The following IQCJ variants were observed in gnomAD, a reference collection of about 807,000 sequenced individuals.
The protein encoded by IQCJ is IQ motif containing J.
A neutral mutation model predicts 11.0 loss-of-function variants in IQCJ; 9 were observed. The observed-to-expected ratio is 0.82, with a 90% CI of 0.49 to 1.43. IQCJ has a LOEUF of 1.43. Ranked by LOEUF, IQCJ falls within the 40% of genes most tolerant of loss-of-function variation. The probability of loss-of-function intolerance (pLI) is 0.00; values close to 1 mark genes in which losing one functional copy is unlikely to be tolerated. For missense variants in IQCJ, 146 were observed against 133.2 expected, an observed-to-expected ratio of 1.10 and a Z score of -0.47; for synonymous variants, 55 against 51.3, an observed-to-expected ratio of 1.07 and a Z score of -0.31.
rs559243062 is a variant in IQCJ at position 159,091,364 on chromosome 3, T to C, written c.9+21923T>C. ...GCTCTTGTGAGGACCCTCTTCTAGG[T>C]TGCCTATTGCTGACTTCTCAACTTC... On this transcript the variant is annotated intron_variant, in intron 1 of 3. Transcript: ENST00000397832. Among the ~76,000 whole-genome samples, 7 of 151,876 alleles carry C rather than the reference T, an allele frequency of 4.6e-5. No individual in the cohort carries two copies. The South Asian group carries it at 1.4e-3, about 31-fold the overall frequency.
intron 1 of IQCJ, among the ~76,000 whole-genome samples, chr3:159,101,981 T>C (rs1259809602): frequency 6.6e-6 from 1 of 152,236 alleles, no homozygotes; most frequent in Non-Finnish European, 1.5e-5. Flanking sequence ...TTGACTGCTT[T>C]TCAGCTTCAG....
chr3:159,171,915 GACA>G (rs1405030533), intron 1 of IQCJ, among the ~76,000 whole-genome samples: 1 of 152,152 alleles, frequency 6.6e-6, no homozygotes, highest in Non-Finnish European at 1.5e-5. Context: ...CTGGTCCAAG[GACA>G]ACATTTTGAG....
At chr3:159,109,237 G>A (rs1441871292) in intron 1 of IQCJ, among the ~76,000 whole-genome samples, 1 of 152,112 alleles carries the variant, frequency 6.6e-6, no homozygotes, top group East Asian at 1.9e-4. Context: ...AGTGAAGAAG[G>A]TATTAGTTCC....
chr3:159,241,009 T>C (rs942238517), intron 1 of IQCJ, among the ~76,000 whole-genome samples: 1 of 152,232 alleles, frequency 6.6e-6, no homozygotes, highest in African/African-American at 2.4e-5. Flanking sequence ...TTGTATTCAC[T>C]AGTCCTAGGT....
chr3:159,169,353 C>T (rs528031988), intron 1 of IQCJ, among the ~76,000 whole-genome samples: 7 of 122,646 alleles, frequency 5.7e-5, no homozygotes, highest in South Asian at 2.7e-4. Flanking sequence ...GGTGTGATCT[C>T]GGCTCACTTG....
Position 159,089,569 on chromosome 3 carries a change from G to A in IQCJ, c.9+20128G>A, listed in dbSNP as rs537863556. Among the ~76,000 whole-genome samples the A allele has an allele frequency of 1.0e-3, 156 of 151,994 alleles. 5 individuals are homozygous for A. The highest frequency in any genetic ancestry group is 3.4e-3 in the African/African-American group (139 of 41,242). ...CTTTCAGGTACACCAATCAGATGAA[G>A]ATTTGGTCTTTTCACATAGTCCCAT... On this transcript the variant is annotated intron_variant, in intron 1 of 3. Transcript: ENST00000397832.
At chr3:159,213,780 C>A (rs898207831) in intron 1 of IQCJ, among the ~76,000 whole-genome samples, 7 of 152,146 alleles carry the variant, frequency 4.6e-5, no homozygotes, top group Non-Finnish European at 8.8e-5. Context: ...ATTCAATCAC[C>A]TTCTTTCAAG....
chr3:159,119,130 C>A (rs577877225), intron 1 of IQCJ, among the ~76,000 whole-genome samples: 4 of 152,324 alleles, frequency 2.6e-5, no homozygotes, highest in African/African-American at 7.2e-5. Flanking sequence ...CTACTTACAC[C>A]TGGGTATGCT....
At chr3:159,122,843 A>G (rs1159217190) in intron 1 of IQCJ, among the ~76,000 whole-genome samples, 1 of 152,254 alleles carries the variant, frequency 6.6e-6, no homozygotes, top group African/African-American at 2.4e-5. Context: ...AATAAGCTAC[A>G]TTCTTCAATC....
At chr3:159,254,937 G>A (rs1054486596) in intron 3 of IQCJ, among the ~76,000 whole-genome samples, 4 of 152,224 alleles carry the variant, frequency 2.6e-5, no homozygotes, top group African/African-American at 9.6e-5. Context: ...TCCTCAATGG[G>A]TTTGTGCCCC....
intron 1 of IQCJ, among the ~76,000 whole-genome samples, chr3:159,219,484 G>A (rs1239258988): frequency 6.6e-6 from 1 of 152,100 alleles, no homozygotes; most frequent in African/African-American, 2.4e-5. Context: ...GGTCAGCAGA[G>A]GACATGACCT....
chr3:159,213,621 G>GA (rs59817655), intron 1 of IQCJ, among the ~76,000 whole-genome samples: 5,668 of 151,566 alleles, frequency 0.037, 151 homozygotes, highest in South Asian at 0.12. Context: ...CTACTTTCTG[G>GA]AAAAAAAAGA....
chr3:159,152,794 A>AT (rs1388538635), intron 1 of IQCJ, among the ~76,000 whole-genome samples: 2 of 152,246 alleles, frequency 1.3e-5, no homozygotes, highest in Non-Finnish European at 2.9e-5. Flanking sequence ...GTAACAATAG[A>AT]TTCAGTGAAT....
At chr3:159,165,526 A>G (rs527775123) in intron 1 of IQCJ, among the ~76,000 whole-genome samples, 1 of 152,306 alleles carries the variant, frequency 6.6e-6, no homozygotes, top group South Asian at 2.1e-4. Context: ...ATTTTCAATT[A>G]CAACAGAAAC....
intron 1 of IQCJ, among the ~76,000 whole-genome samples, chr3:159,161,916 C>A (rs969516218): frequency 1.3e-5 from 2 of 152,184 alleles, no homozygotes; most frequent in African/African-American, 4.8e-5. Context: ...CAGTACCATG[C>A]TGTTTTGGTT....
At chr3:159,105,008 T>C (rs1415141881) in intron 1 of IQCJ, among the ~76,000 whole-genome samples, 1 of 152,158 alleles carries the variant, frequency 6.6e-6, no homozygotes, top group Non-Finnish European at 1.5e-5. Flanking sequence ...TGGAACATAG[T>C]AGATATTCGA....
At chr3:159,087,372 A>T (rs1444723717) in intron 1 of IQCJ, among the ~76,000 whole-genome samples, 1 of 147,092 alleles carries the variant, frequency 6.8e-6, no homozygotes, top group Non-Finnish European at 1.5e-5. Flanking sequence ...TATTGGTCTA[A>T]AATTCTCTTT....
chr3:159,104,610 C>T (rs1455459260), intron 1 of IQCJ, among the ~76,000 whole-genome samples: 1 of 152,162 alleles, frequency 6.6e-6, no homozygotes, highest in East Asian at 1.9e-4. Context: ...TCCTGGAGCT[C>T]CTGCCCACCT....
chr3:159,150,026 C>G (rs1721119763), intron 1 of IQCJ, among the ~76,000 whole-genome samples: 1 of 152,186 alleles, frequency 6.6e-6, no homozygotes, highest in South Asian at 2.1e-4. Flanking sequence ...TTCCCACCCA[C>G]CAACACCCTA....
Sources: allele counts gnomAD v4.1 joint callset (sites outside exome capture counted in the v4.1 genomes callset), GRCh38; gene constraint gnomAD v4.1.1; transcripts MANE v1.5; gene names NCBI Gene and HGNC (gene_info 2026-07-23, HGNC 2026-07-21).